The following RABGAP1L variants were observed in gnomAD, a reference collection of about 807,000 sequenced individuals.
The protein encoded by RABGAP1L is RAB GTPase activating protein 1 like, also known as rab GTPase-activating protein 1-like.
Under a neutral mutation model 137.7 loss-of-function variants are expected in RABGAP1L, and 63 were observed. That is an observed-to-expected ratio of 0.46 (90% CI 0.37 to 0.56). The LOEUF is 0.56. Ranked by LOEUF, RABGAP1L falls within the 20% of genes least tolerant of loss-of-function variation. RABGAP1L has a pLI of 0.00. For missense variants in RABGAP1L, 1,095 were observed against 1,244.0 expected, an observed-to-expected ratio of 0.88 and a Z score of 1.80; for synonymous variants, 431 against 433.7, an observed-to-expected ratio of 0.99 and a Z score of 0.08.
At chr1:174,853,919 C>T (rs1188453419) in intron 19 of RABGAP1L, among the ~76,000 whole-genome samples, 1 of 152,162 alleles carries the variant, frequency 6.6e-6, no homozygotes, top group Non-Finnish European at 1.5e-5. Flanking sequence ...TGTTTATATT[C>T]TGAATAATGC....
chr1:174,975,953 G>A lies in RABGAP1L; in HGVS notation c.2545-125G>A. On this transcript the variant is annotated intron_variant, in intron 21 of 25. Coordinates refer to ENST00000681986, the MANE Select transcript of RABGAP1L (RefSeq NM_001366446.1). ...GCCATCGCTTGGTTGAGCTAGGAGGGAAAATAATGACTTGCAATAATTTTG... is the reference window on the plus strand; with the variant it reads ...GCCATCGCTTGGTTGAGCTAGGAGGAAAAATAATGACTTGCAATAATTTTG... 3 of 840,108 alleles carry A rather than the reference G, an allele frequency of 3.6e-6. 1 individual carries two copies. The South Asian group carries it at 5.0e-5, about 14-fold the overall frequency. 52.0% of individuals were successfully genotyped at this position (840,108 alleles called of 1,614,324 possible).
At chr1:174,262,684 G>T (rs1176273780) in intron 7 of RABGAP1L, among the ~76,000 whole-genome samples, 1 of 152,124 alleles carries the variant, frequency 6.6e-6, no homozygotes, top group Non-Finnish European at 1.5e-5. Flanking sequence ...TAATTTATTG[G>T]TTTAAGAAAT....
intron 13 of RABGAP1L, among the ~76,000 whole-genome samples, chr1:174,464,441 T>G (rs1657069608): frequency 6.6e-6 from 1 of 152,186 alleles, no homozygotes; most frequent in Non-Finnish European, 1.5e-5. Flanking sequence ...GAGCATATAC[T>G]ATGCTGCCTT....
chr1:174,221,146 T>C lies in RABGAP1L; in HGVS notation c.313T>C (p.Leu105=). The C allele has an allele frequency of 6.2e-7, 1 of 1,611,954 alleles. No homozygotes were observed. Among genetic ancestry groups the C allele is most frequent in the South Asian group, 1.1e-5 (1 of 90,816 alleles). Reference sequence around the variant, plus strand: ...AAATAAGCCATCTCTTCAGTTAATTTTGGATCCGTCTAACACAGGTACTGT... The same window carrying C: ...AAATAAGCCATCTCTTCAGTTAATTCTGGATCCGTCTAACACAGGTACTGT... The part of the protein sequence containing the change: ...QTNKPSLQLI[L]DPSNTEISTP... The change falls in exon 3 of 26, where the codon TTG becomes CTG. Residue 105 remains leucine, a synonymous_variant. Coordinates refer to ENST00000681986, the MANE Select transcript of RABGAP1L (RefSeq NM_001366446.1).
chr1:174,736,075 C>T (rs1385354210), intron 17 of RABGAP1L, among the ~76,000 whole-genome samples: 2 of 152,154 alleles, frequency 1.3e-5, no homozygotes, highest in African/African-American at 2.4e-5. Flanking sequence ...AAAATCCAAC[C>T]GGCCCTTCTC....
At chr1:174,322,405 G>A (rs12084917) in intron 11 of RABGAP1L, among the ~76,000 whole-genome samples, 1 of 152,150 alleles carries the variant, frequency 6.6e-6, no homozygotes, top group Non-Finnish European at 1.5e-5. Flanking sequence ...TGGGCATGTA[G>A]TCACCTGAAC....
At chr1:174,624,744 CT>C (rs1461970930) in intron 13 of RABGAP1L, among the ~76,000 whole-genome samples, 1 of 152,094 alleles carries the variant, frequency 6.6e-6, no homozygotes, top group East Asian at 1.9e-4. Flanking sequence ...ACTTCAGGGC[CT>C]TTCACATTGC....
At chr1:174,730,299 T>A (rs920239383) in intron 17 of RABGAP1L, among the ~76,000 whole-genome samples, 1 of 152,000 alleles carries the variant, frequency 6.6e-6, no homozygotes, top group Admixed American at 6.5e-5. Flanking sequence ...CTGGAACAAC[T>A]CTAGACTAAT....
At chr1:174,512,248 A>G (rs1211807107) in intron 13 of RABGAP1L, among the ~76,000 whole-genome samples, 2 of 152,148 alleles carry the variant, frequency 1.3e-5, no homozygotes, top group East Asian at 3.9e-4. Context: ...CAACATTTCT[A>G]CCCTAGTATT....
chr1:174,538,632 G>C (rs909367802), intron 13 of RABGAP1L, among the ~76,000 whole-genome samples: 6 of 152,040 alleles, frequency 3.9e-5, no homozygotes, highest in Non-Finnish European at 8.8e-5. Flanking sequence ...TGGTTATAAT[G>C]ATATTTCACT....
chr1:174,514,022 G>C (rs1024929476), intron 13 of RABGAP1L, among the ~76,000 whole-genome samples: 28 of 152,054 alleles, frequency 1.8e-4, no homozygotes, highest in African/African-American at 6.5e-4. Context: ...GAATGCTGCT[G>C]TTCTTTTAAA....
chr1:174,770,401 G>C (rs1362444502), intron 18 of RABGAP1L, among the ~76,000 whole-genome samples: 1 of 152,110 alleles, frequency 6.6e-6, no homozygotes, highest in Admixed American at 6.6e-5. Flanking sequence ...AGGAAAAAAT[G>C]TATATCATCA....
intron 13 of RABGAP1L, among the ~76,000 whole-genome samples, chr1:174,508,960 G>A (rs1190592036): frequency 1.3e-5 from 2 of 152,108 alleles, no homozygotes; most frequent in African/African-American, 4.8e-5. Flanking sequence ...TTATGGTGGT[G>A]TAGTATTATA....
At chr1:174,957,372 C>A in intron 19 of RABGAP1L, 85 bp from the exon 20 acceptor site, 1 of 1,080,350 alleles carries the variant, frequency 9.3e-7, no homozygotes, top group Non-Finnish European at 1.4e-6. Context: ...CCTTAGAATG[C>A]CAGAAATTTA....
intron 13 of RABGAP1L, among the ~76,000 whole-genome samples, chr1:174,541,566 G>A (rs1318792574): frequency 6.6e-6 from 1 of 152,168 alleles, no homozygotes; most frequent in Non-Finnish European, 1.5e-5. Context: ...CACGAGGTCA[G>A]GAGATCGAGA....
chr1:174,851,553 G>A (rs148341209), intron 19 of RABGAP1L, among the ~76,000 whole-genome samples: 1 of 151,704 alleles, frequency 6.6e-6, no homozygotes, highest in Admixed American at 6.6e-5. Flanking sequence ...ACAGGGCCTT[G>A]CTCTGTCGCC....
chr1:174,649,866 CTA>C (rs1675313195), intron 14 of RABGAP1L, among the ~76,000 whole-genome samples: 1 of 152,094 alleles, frequency 6.6e-6, no homozygotes, highest in Admixed American at 6.5e-5. Flanking sequence ...ACTTCCAACA[CTA>C]TGTTGAATAG....
intron 10 of RABGAP1L, among the ~76,000 whole-genome samples, chr1:174,297,813 TA>T (rs1365818578): frequency 6.6e-6 from 1 of 152,130 alleles, no homozygotes; most frequent in Non-Finnish European, 1.5e-5. Context: ...AGGGCACAGG[TA>T]AGGGCAGCTC....
At chr1:174,833,884 C>T (rs1340857255) in intron 19 of RABGAP1L, among the ~76,000 whole-genome samples, 1 of 152,034 alleles carries the variant, frequency 6.6e-6, no homozygotes, top group Non-Finnish European at 1.5e-5. Context: ...GAATGATGAT[C>T]AAGGAGAACT....
Sources: gnomAD v4.1 joint callset for allele counts (sites outside exome capture counted in the v4.1 genomes callset) on GRCh38, gnomAD v4.1.1 for gene constraint, MANE v1.5 for transcripts, NCBI Gene and HGNC (gene_info 2026-07-23, HGNC 2026-07-21) for gene names.